VWC2: variants seen among roughly 807,000 people sequenced by gnomAD.
The protein encoded by VWC2 is von Willebrand factor C domain containing 2, also known as brorin.
VWC2 carries 14 observed loss-of-function variants against 29.8 expected under a neutral mutation model. The observed-to-expected ratio is 0.47, with a 90% CI of 0.31 to 0.74. VWC2 has a LOEUF of 0.74. VWC2 is among the 30% of genes least tolerant of loss of function. The pLI is 0.05. For missense variants in VWC2, 457 were observed against 459.8 expected, an observed-to-expected ratio of 0.99 and a Z score of 0.05; for synonymous variants, 213 against 199.0, an observed-to-expected ratio of 1.07 and a Z score of -0.59.
intron 3 of VWC2, among the ~76,000 whole-genome samples, chr7:49,820,849 G>A (rs758352809): frequency 6.6e-6 from 1 of 152,150 alleles, no homozygotes; most frequent in Non-Finnish European, 1.5e-5. Flanking sequence ...CCCAGGTGCA[G>A]GCTGAGGAAG....
rs1051600093 is a variant in VWC2, at chr7:49,917,176, T to C, written c.*4991T>C. The C allele has an allele frequency of 3.3e-5, 5 of 152,210 alleles. No individual in the cohort carries two copies. Among genetic ancestry groups the C allele is most frequent in the African/African-American group, 1.2e-4 (5 of 41,458 alleles). The allele number at this position is 152,210 out of a possible 1,614,324, so 9.4% of individuals were successfully genotyped here. A position where few individuals can be genotyped will look rare whatever the true frequency, so the allele number is the denominator to read the frequency against. On this transcript the variant is annotated 3_prime_UTR_variant, in exon 4 of 4. Coordinates refer to ENST00000340652, the MANE Select transcript of VWC2 (RefSeq NM_198570.5). ...TGATACAATAATGAGCTGAGTCATT[T>C]GTACAGAAATATAGTAGCTTCCATA... is the stretch of plus-strand genomic sequence containing the variant.
chr7:49,906,121 T>C (rs1239084138), intron 3 of VWC2, among the ~76,000 whole-genome samples: 1 of 152,170 alleles, frequency 6.6e-6, no homozygotes, highest in Admixed American at 6.5e-5. Flanking sequence ...GGAGTAGCCA[T>C]TCTTTATTCC....
At chr7:49,850,650 A>G (rs1790140023) in intron 3 of VWC2, 1 of 152,234 alleles carries the variant, frequency 6.6e-6, no homozygotes, top group Non-Finnish European at 1.5e-5. Context: ...ACTGTTTGTG[A>G]TTAGGAGATG....
At chr7:49,897,553 T>C (rs1792451871) in intron 3 of VWC2, among the ~76,000 whole-genome samples, 1 of 152,174 alleles carries the variant, frequency 6.6e-6, no homozygotes, top group Admixed American at 6.5e-5. Context: ...AACTCTATCC[T>C]AAAAACAGGT....
At chr7:49,833,976 T>C (rs1035709675) in intron 3 of VWC2, among the ~76,000 whole-genome samples, 7 of 152,204 alleles carry the variant, frequency 4.6e-5, no homozygotes, top group African/African-American at 1.7e-4. Flanking sequence ...TTTTGCAGGA[T>C]CATCAGCTTA....
At chr7:49,911,538 A>G (rs1047457321) in intron 3 of VWC2, among the ~76,000 whole-genome samples, 1 of 151,580 alleles carries the variant, frequency 6.6e-6, no homozygotes, top group African/African-American at 2.4e-5. Flanking sequence ...GAACAAAAGT[A>G]GAGTATTTCA....
chr7:49,863,788 C>T (rs1790766652), intron 3 of VWC2, among the ~76,000 whole-genome samples: 1 of 152,128 alleles, frequency 6.6e-6, no homozygotes, highest in Admixed American at 6.6e-5. Context: ...TTCCTTCCTC[C>T]TGCTAACCTT....
chr7:49,897,915 T>C (rs1157726925), intron 3 of VWC2, among the ~76,000 whole-genome samples: 1 of 152,138 alleles, frequency 6.6e-6, no homozygotes, highest in Non-Finnish European at 1.5e-5. Flanking sequence ...CGCTCACACT[T>C]CTTGCAGGGG....
At chr7:49,881,498 C>T (rs1053346194) in intron 3 of VWC2, among the ~76,000 whole-genome samples, 1 of 152,152 alleles carries the variant, frequency 6.6e-6, no homozygotes, top group Non-Finnish European at 1.5e-5. Flanking sequence ...AACGTCCTGT[C>T]TCTTTTGACT....
intron 3 of VWC2, among the ~76,000 whole-genome samples, chr7:49,828,320 A>G (rs1789450317): frequency 6.6e-6 from 1 of 152,196 alleles, no homozygotes; most frequent in African/African-American, 2.4e-5. Context: ...ATAAAGTGCT[A>G]TGAATATTTT....
At chr7:49,829,928 T>C (rs1251748009) in intron 3 of VWC2, among the ~76,000 whole-genome samples, 1 of 152,264 alleles carries the variant, frequency 6.6e-6, no homozygotes, top group Non-Finnish European at 1.5e-5. Flanking sequence ...GATTGATTTA[T>C]GTGTCATTAA....
intron 3 of VWC2, among the ~76,000 whole-genome samples, chr7:49,831,395 A>G (rs1167911816): frequency 6.6e-6 from 1 of 152,232 alleles, no homozygotes; most frequent in Non-Finnish European, 1.5e-5. Flanking sequence ...AGAATTCAGG[A>G]ATGCTGTAAC....
intron 2 of VWC2, among the ~76,000 whole-genome samples, chr7:49,800,689 G>T (rs1417747463): frequency 6.6e-6 from 1 of 151,822 alleles, no homozygotes. Flanking sequence ...CAAGGTCTTG[G>T]CTTTTAAAAC....
At chr7:49,873,249 G>T (rs1427967977) in intron 3 of VWC2, among the ~76,000 whole-genome samples, 1 of 152,130 alleles carries the variant, frequency 6.6e-6, no homozygotes, top group African/African-American at 2.4e-5. Context: ...TACAGTTTTG[G>T]TGGCTGGAAG....
intron 3 of VWC2, among the ~76,000 whole-genome samples, chr7:49,875,024 A>T (rs1315425696): frequency 6.6e-6 from 1 of 152,132 alleles, no homozygotes; most frequent in Non-Finnish European, 1.5e-5. Context: ...AAAGAACTGG[A>T]AACAGTTTAT....
At chr7:49,866,269 C>A (rs1790887284) in intron 3 of VWC2, among the ~76,000 whole-genome samples, 1 of 152,228 alleles carries the variant, frequency 6.6e-6, no homozygotes. Flanking sequence ...GATCCTCTAG[C>A]TGTCAGCTGT....
At chr7:49,820,732 C>T (rs541455018) in intron 3 of VWC2, among the ~76,000 whole-genome samples, 3 of 152,304 alleles carry the variant, frequency 2.0e-5, no homozygotes, top group East Asian at 1.9e-4. Context: ...GACTCTTCCC[C>T]ATCATTTATC....
chr7:49,804,233 T>C (rs544321195), intron 3 of VWC2, among the ~76,000 whole-genome samples: 2 of 151,846 alleles, frequency 1.3e-5, no homozygotes, highest in South Asian at 4.2e-4. Flanking sequence ...TACAGTTTAC[T>C]CTACTAGTGT....
chr7:49,844,850 G>C (rs758835361), intron 3 of VWC2, among the ~76,000 whole-genome samples: 6 of 151,908 alleles, frequency 3.9e-5, no homozygotes, highest in Admixed American at 2.0e-4. Flanking sequence ...CCGCCACTAC[G>C]TCCAACTAAA....
Sources: gnomAD v4.1 joint callset for allele counts (sites outside exome capture counted in the v4.1 genomes callset) on GRCh38, gnomAD v4.1.1 for gene constraint, MANE v1.5 for transcripts, NCBI Gene and HGNC (gene_info 2026-07-23, HGNC 2026-07-21) for gene names.